ADAMTS14: variants seen among roughly 807,000 people sequenced by gnomAD.
ADAMTS14 encodes the protein ADAM metallopeptidase with thrombospondin type 1 motif 14, also known as A disintegrin and metalloproteinase with thrombospondin motifs 14.
A neutral mutation model predicts 128.6 loss-of-function variants in ADAMTS14; 100 were observed. That is an observed-to-expected ratio of 0.78 (90% CI 0.66 to 0.92). The LOEUF is 0.92. Ranked by LOEUF, ADAMTS14 falls within the 40% of genes least tolerant of loss-of-function variation. The probability of loss-of-function intolerance (pLI) is 0.00; values close to 1 mark genes in which losing one functional copy is unlikely to be tolerated. For missense variants in ADAMTS14, 1,562 were observed against 1,658.6 expected, an observed-to-expected ratio of 0.94 and a Z score of 1.01; for synonymous variants, 665 against 653.8, an observed-to-expected ratio of 1.02 and a Z score of -0.26.
At position 70,708,769 on chromosome 10, in the gene ADAMTS14, C is replaced by T. The variant is rs144445346; in HGVS notation, c.861C>T (p.Leu287=). ...ATGTGCAGAACTATGTCCTCACCCT[C>T]ATGAATATCGTGAGTGTCCATGTGT... is the stretch of plus-strand genomic sequence containing the variant. ...KEHVQNYVLT[L]MNIVDEIYHD... The change falls in exon 4 of 22, where the codon CTC becomes CTT. Residue 287 remains leucine, a synonymous_variant. Transcript: ENST00000373207. 52 of 1,391,022 alleles carry T rather than the reference C, an allele frequency of 3.7e-5. No homozygotes were observed. The highest frequency in any genetic ancestry group is 4.7e-5 in the Non-Finnish European group (49 of 1,037,724). 86.2% of individuals were successfully genotyped at this position (1,391,022 alleles called of 1,614,324 possible). A position where few individuals can be genotyped will look rare whatever the true frequency, so the allele number is the denominator to read the frequency against.
intron 2 of ADAMTS14, among the ~76,000 whole-genome samples, chr10:70,696,313 G>A (rs949208630): frequency 2.6e-5 from 4 of 151,670 alleles, no homozygotes; most frequent in African/African-American, 7.3e-5. Flanking sequence ...GGAGGACAGT[G>A]CGCAGCAGGG....
chr10:70,714,219 G>A (rs1354551241), intron 4 of ADAMTS14, among the ~76,000 whole-genome samples: 1 of 152,152 alleles, frequency 6.6e-6, no homozygotes, highest in African/African-American at 2.4e-5. Flanking sequence ...GAATATCATT[G>A]TAGAAATTAT....
chr10:70,716,994 G>T (rs573736416), intron 4 of ADAMTS14, among the ~76,000 whole-genome samples: 1 of 152,206 alleles, frequency 6.6e-6, no homozygotes, highest in African/African-American at 2.4e-5. Context: ...GCTGCTGGGC[G>T]CTGTCTTTTT....
intron 2 of ADAMTS14, among the ~76,000 whole-genome samples, chr10:70,678,300 C>G (rs1182315687): frequency 6.6e-6 from 1 of 152,184 alleles, no homozygotes; most frequent in Non-Finnish European, 1.5e-5. Flanking sequence ...AGGTCCCTGT[C>G]CTCGAGGAAC....
chr10:70,680,600 C>T (rs1839774265), intron 2 of ADAMTS14, among the ~76,000 whole-genome samples: 1 of 152,106 alleles, frequency 6.6e-6, no homozygotes, highest in Non-Finnish European at 1.5e-5. Context: ...TGCTTAGATT[C>T]CTCATCTGTA....
intron 4 of ADAMTS14, among the ~76,000 whole-genome samples, chr10:70,713,954 G>A (rs1417034496): frequency 6.6e-6 from 1 of 152,190 alleles, no homozygotes; most frequent in South Asian, 2.1e-4. Flanking sequence ...AGCACTTTGG[G>A]AGTCCAAGAC....
chr10:70,737,875 T>C (rs1257005261), intron 10 of ADAMTS14, among the ~76,000 whole-genome samples: 2 of 152,220 alleles, frequency 1.3e-5, no homozygotes, highest in African/African-American at 4.8e-5. Context: ...GCACGGAGAA[T>C]ATTTTTGAGG....
At position 70,702,486 on chromosome 10, in the gene ADAMTS14, G is replaced by A; in HGVS notation, c.679+18G>A. ...CAATGAAGGTAGGCTGTAGGTAGGG[G>A]CCTGTGTGCTGCTTCTCTCCCTACC... On this transcript the variant is annotated intron_variant, in intron 3 of 21. Coordinates refer to ENST00000373207, the MANE Select transcript of ADAMTS14 (RefSeq NM_080722.4). 6.3e-7 allele frequency: 1 copy of A among 1,585,146 alleles called. No homozygotes were observed. Among genetic ancestry groups the A allele is most frequent in the Non-Finnish European group, 8.6e-7 (1 of 1,165,400 alleles).
In ADAMTS14 at chr10:70,745,240, G is replaced by C; in HGVS notation, c.2197G>C (p.Val733Leu). 5 of 1,612,304 alleles carry C rather than the reference G, an allele frequency of 3.1e-6. No individual in the cohort carries two copies. Among genetic ancestry groups the C allele is most frequent in the East Asian group, 4.5e-5 (2 of 44,868 alleles). ...ASKQAGALKLVQIPAGARHIQ... is the reference protein window; with the variant it reads ...ASKQAGALKLLQIPAGARHIQ... The stretch of plus-strand genomic sequence containing the variant: ...GTGTGTGGCAGGAGCTCTCAAGCTG[G>C]TGCAGATCCCAGCAGGTGCCAGGCA... The change falls in exon 15 of 22, where the codon GTG becomes CTG. Residue 733 changes from valine to leucine, a missense_variant. Val to Leu is a conservative substitution (Grantham distance 32). Transcript: ENST00000373207.
At chr10:70,714,209 G>T (rs1453888142) in intron 4 of ADAMTS14, among the ~76,000 whole-genome samples, 1 of 152,086 alleles carries the variant, frequency 6.6e-6, no homozygotes, top group Non-Finnish European at 1.5e-5. Flanking sequence ...TAAAAAAAAA[G>T]AATATCATTG....
intron 3 of ADAMTS14, among the ~76,000 whole-genome samples, chr10:70,708,018 T>C (rs1840718855): frequency 6.6e-6 from 1 of 152,242 alleles, no homozygotes; most frequent in Non-Finnish European, 1.5e-5. Flanking sequence ...AGTTAATAAA[T>C]GCTATTTTGC....
At position 70,741,167 on chromosome 10, in the gene ADAMTS14, G is replaced by A. The variant is rs758718159; in HGVS notation, c.1924+5G>A. The A allele has an allele frequency of 1.2e-6, 2 of 1,611,530 alleles. No individual in the cohort carries two copies. Among genetic ancestry groups the A allele is most frequent in the South Asian group, 2.2e-5 (2 of 91,058 alleles). On this transcript the variant is annotated splice_donor_5th_base_variant and intron_variant, in intron 12 of 21. Transcript: ENST00000373207. Reference sequence around the variant, plus strand: ...TGCCCTACGAGCCTGACGATGGTGAGTGGGCCCCACCCCCCTCCCACTCCA... The same window carrying A: ...TGCCCTACGAGCCTGACGATGGTGAATGGGCCCCACCCCCCTCCCACTCCA...
rs528171795 is a variant in ADAMTS14, at chr10:70,700,312, T to G, written c.523-2000T>G. Among the ~76,000 whole-genome samples the G allele has an allele frequency of 4.6e-5, 7 of 152,290 alleles. No individual in the cohort carries two copies. The East Asian group carries it at 7.8e-4, about 17-fold the overall frequency. ...CATTTCCACCCTCACCTGGGGGTCC[T>G]TCCCCTCTACCTGGTATGCTCTTTC... is the stretch of plus-strand genomic sequence containing the variant. On this transcript the variant is annotated intron_variant, in intron 2 of 21. Coordinates refer to ENST00000373207, the MANE Select transcript of ADAMTS14 (RefSeq NM_080722.4).
chr10:70,720,826 A>T (rs896378272), intron 4 of ADAMTS14, among the ~76,000 whole-genome samples: 1 of 151,940 alleles, frequency 6.6e-6, no homozygotes, highest in Non-Finnish European at 1.5e-5. Context: ...CATGTGTACC[A>T]TACCAAATTA....
chr10:70,740,759 G>A (rs1309255820), intron 11 of ADAMTS14, among the ~76,000 whole-genome samples: 2 of 152,190 alleles, frequency 1.3e-5, no homozygotes, highest in Non-Finnish European at 2.9e-5. Flanking sequence ...TGGAATAGGT[G>A]GTGTATGTCT....
chr10:70,681,579 CA>C (rs1554813805), intron 2 of ADAMTS14, among the ~76,000 whole-genome samples: 3 of 152,248 alleles, frequency 2.0e-5, no homozygotes, highest in Non-Finnish European at 4.4e-5. Context: ...TGGTGCACAG[CA>C]GACTTGTCTG....
intron 4 of ADAMTS14, 28 bp downstream of exon 4, chr10:70,708,806 G>T (rs754406755): frequency 6.7e-7 from 1 of 1,498,076 alleles, no homozygotes; most frequent in Non-Finnish European, 9.0e-7. Context: ...CTAGGACTTG[G>T]GGGGAGTGGG....
Position 70,760,494 on chromosome 10 carries a change from G to A in ADAMTS14, c.3313G>A (p.Asp1105Asn). 4 of 1,613,906 alleles carry A rather than the reference G, an allele frequency of 2.5e-6. No individual in the cohort carries two copies. The highest frequency in any genetic ancestry group is 3.4e-6 in the Non-Finnish European group (4 of 1,179,956). The change falls in exon 22 of 22, where the codon GAC (aspartate) becomes AAC (asparagine). Residue 1105 changes from aspartate to asparagine, a missense_variant. Asp to Asn is a conservative substitution (Grantham distance 23). Coordinates refer to ENST00000373207, the MANE Select transcript of ADAMTS14 (RefSeq NM_080722.4). The stretch of plus-strand genomic sequence containing the variant: ...GGCCTCGGGCCCCAACCCTGGCCCA[G>A]ACCCTGGCCCAACCTCACTGCCCCC... ...KKASGPNPGP[D>N]PGPTSLPPFS...
chr10:70,758,435 G>C lies in ADAMTS14; in HGVS notation c.3178+150G>C, dbSNP rs1842531973. 1.2e-5 allele frequency: 8 copies of C among 663,212 alleles called. No individual in the cohort carries two copies. In the East Asian group the frequency reaches 2.0e-4, roughly 17 times the overall value. 41.1% of individuals were successfully genotyped at this position (663,212 alleles called of 1,614,324 possible). A position where few individuals can be genotyped will look rare whatever the true frequency, so the allele number is the denominator to read the frequency against. On this transcript the variant is annotated intron_variant, in intron 21 of 21. Transcript: ENST00000373207. ...GCCTCAGATACCTCAGTTATGAAGT[G>C]GGGAGGAGGCTCTACTGGTCCATGA...
Sources: allele counts gnomAD v4.1 joint callset (sites outside exome capture counted in the v4.1 genomes callset), GRCh38; gene constraint gnomAD v4.1.1; transcripts MANE v1.5; gene names NCBI Gene and HGNC (gene_info 2026-07-23, HGNC 2026-07-21).